The following AARS1 variants were observed in gnomAD, a reference collection of about 807,000 sequenced individuals.
AARS1 encodes the protein alanyl-tRNA synthetase 1, also known as alanine--tRNA ligase, cytoplasmic.
Under a neutral mutation model 108.9 loss-of-function variants are expected in AARS1, and 72 were observed. The observed-to-expected ratio is 0.66, with a 90% confidence interval of 0.55 to 0.80. AARS1 has a LOEUF of 0.80. AARS1 is among the 30% of genes least tolerant of loss of function. The pLI is 0.00. For missense variants in AARS1, 1,193 were observed against 1,233.2 expected (o/e 0.97, Z 0.49); for synonymous variants, 489 against 465.7 (o/e 1.05, Z -0.64).
In AARS1 at chr16:70,252,837, C is replaced by T. The variant is rs149377346; in HGVS notation, c.2791G>A (p.Gly931Ser). ...TGTGCAGACACATCCTTGCCACCAC[C>T]TTTACCGTCCATCAAGCCTGACACC... ...QQVSGLMDGK[G>S]GGKDVSAQAT... Residue 931 changes from glycine to serine, a missense_variant, in exon 21 of 21, where the codon GGT becomes AGT. Coordinates refer to ENST00000261772, the MANE Select transcript of AARS1 (RefSeq NM_001605.3). 9.0e-3 allele frequency: 14,488 copies of T among 1,614,214 alleles called. 115 individuals carry two copies. The highest frequency in any genetic ancestry group is 0.029 in the Middle Eastern group (173 of 6,062).
chr16:70,253,697 C>T lies in AARS1; in HGVS notation c.2607+17G>A. ...GCTGATGAGCCCTAGGGGAGGGGAC[C>T]CTGGCCCCTGGGTTGCCTTGGCTGA... On this transcript the variant is annotated intron_variant, in intron 19 of 20. Coordinates refer to ENST00000261772, the MANE Select transcript of AARS1 (RefSeq NM_001605.3). 6.2e-7 allele frequency: 1 copy of T among 1,612,554 alleles called. No homozygotes were observed. Among genetic ancestry groups the T allele is most frequent in the Non-Finnish European group, 8.5e-7 (1 of 1,179,740 alleles).
rs371734869 is a variant in AARS1, at chr16:70,265,122, G to C, written c.1348-20C>G. ...TTTCAGCTGTCAGCAAGAGAAACAA[G>C]CATAAGTTACCGTAAAGTAGGAGAA... is the stretch of plus-strand genomic sequence containing the variant. On this transcript the variant is annotated intron_variant, in intron 10 of 20. Coordinates refer to ENST00000261772, the MANE Select transcript of AARS1 (RefSeq NM_001605.3). The C allele has an allele frequency of 8.1e-6, 13 of 1,613,868 alleles. No individual in the cohort carries two copies. Among genetic ancestry groups the C allele is most frequent in the African/African-American group, 1.3e-5 (1 of 75,044 alleles).
At chr16:70,262,209 G>A in intron 12 of AARS1, 137 bp downstream of exon 12, 7 of 1,082,196 alleles carry the variant, frequency 6.5e-6, no homozygotes, top group South Asian at 3.8e-5. Context: ...AGCTCCCTCG[G>A]CTTCAGAAAT....
rs144861463 is a variant in AARS1 at position 70,284,209 on chromosome 16, G to C, written c.-21-1425C>G. ...TAGTCCCAGCTACTCACAAGGCTGA[G>C]GCAGGAGAATGGCACGAACCCAGGA... On this transcript the variant is annotated intron_variant, in intron 1 of 20. Transcript: ENST00000261772. Among the ~76,000 whole-genome samples the C allele has an allele frequency of 4.0e-3, 602 of 152,142 alleles. 9 individuals are homozygous for C. The highest frequency in any genetic ancestry group is 0.014 in the African/African-American group (561 of 41,504).
At chr16:70,262,213 C>T (rs1960148788) in intron 12 of AARS1, 133 bp downstream of exon 12, 4 of 1,137,394 alleles carry the variant, frequency 3.5e-6, no homozygotes, top group Non-Finnish European at 5.3e-6. Context: ...CCCTCGGCTT[C>T]AGAAATACCA....
intron 1 of AARS1, among the ~76,000 whole-genome samples, chr16:70,285,959 T>C (rs1268834804): frequency 6.6e-6 from 1 of 152,196 alleles, no homozygotes; most frequent in African/African-American, 2.4e-5. Flanking sequence ...ATTTCCCATT[T>C]TTGCTTACTA....
chr16:70,273,651 A>G (rs1387064127), intron 4 of AARS1, among the ~76,000 whole-genome samples: 3 of 151,746 alleles, frequency 2.0e-5, no homozygotes, highest in Non-Finnish European at 2.9e-5. Flanking sequence ...TCATGAGGTC[A>G]TGAGATCGAG....
chr16:70,289,204 T>C (rs147512406), intron 1 of AARS1, among the ~76,000 whole-genome samples: 5 of 151,894 alleles, frequency 3.3e-5, no homozygotes, highest in Middle Eastern at 3.4e-3. Flanking sequence ...CCGTGAGGTA[T>C]TGGTGCTCAG....
chr16:70,275,955 A>AAAAAAAAAAAAAAAAAAAAC (rs1960538855), intron 4 of AARS1: 1 of 149,354 alleles, frequency 6.7e-6, no homozygotes, highest in African/African-American at 2.5e-5. Flanking sequence ...AAAAAAAAAA[A>AAAAAAAAAAAAAAAAAAAAC]AAAAAACCAT....
In AARS1 at chr16:70,253,346, G is replaced by C. The variant is rs756031502; in HGVS notation, c.2643C>G (p.His881Gln). 2 of 1,614,082 alleles carry C rather than the reference G, an allele frequency of 1.2e-6. No individual in the cohort carries two copies. The highest frequency in any genetic ancestry group is 8.5e-7 in the Non-Finnish European group (1 of 1,180,030). Reference sequence around the variant, plus strand: ...AGAGCATGGCAGAAGTCTGAGGGGAGTGCATCTTGAAGAGCTTCAAGGCTT... The same window carrying C: ...AGAGCATGGCAGAAGTCTGAGGGGACTGCATCTTGAAGAGCTTCAAGGCTT... Reference protein sequence around the residue: ...LNEALKLFKMHSPQTSAMLFT... With the variant: ...LNEALKLFKMQSPQTSAMLFT... The change falls in exon 20 of 21, where the codon CAC (histidine) becomes CAG (glutamine). Residue 881 changes from histidine (H) to glutamine (Q), a missense_variant. By Grantham distance (24) the His-to-Gln change is conservative (BLOSUM62 0). Coordinates refer to ENST00000261772, the MANE Select transcript of AARS1 (RefSeq NM_001605.3).
chr16:70,262,967 CAAAAAAAAAAAA>C (rs57444625), intron 11 of AARS1, among the ~76,000 whole-genome samples: 35 of 20,594 alleles, frequency 1.7e-3, no homozygotes, highest in Admixed American at 2.0e-3. Flanking sequence ...GACTCGGTCT[CAAAAAAAAAAAA>C]AAAAAAAAAA....
At chr16:70,261,877 C>T (rs780895457) in intron 12 of AARS1, among the ~76,000 whole-genome samples, 1 of 151,872 alleles carries the variant, frequency 6.6e-6, no homozygotes, top group Non-Finnish European at 1.5e-5. Flanking sequence ...CCATGTTGGC[C>T]AGGCTGGTCT....
At chr16:70,275,186 G>T (rs1320323050) in intron 4 of AARS1, among the ~76,000 whole-genome samples, 1 of 152,068 alleles carries the variant, frequency 6.6e-6, no homozygotes, top group Non-Finnish European at 1.5e-5. Flanking sequence ...CCTTAACCCG[G>T]GAGGCAGAGG....
chr16:70,268,706 T>G (rs1005892832), intron 7 of AARS1, among the ~76,000 whole-genome samples: 4 of 152,146 alleles, frequency 2.6e-5, no homozygotes, highest in Admixed American at 1.3e-4. Context: ...TTCCCAGGGC[T>G]GGTCAATACC....
In AARS1 at chr16:70,253,678, G is replaced by A. The variant is rs367547023; in HGVS notation, c.2607+36C>T. The A allele has an allele frequency of 3.1e-6, 5 of 1,604,546 alleles. No individual in the cohort carries two copies. The African/African-American group carries it at 6.7e-5, about 21-fold the overall frequency. ...ACATGTCAGCCACCAGAGAGCTGAT[G>A]AGCCCTAGGGGAGGGGACCCTGGCC... On this transcript the variant is annotated intron_variant, in intron 19 of 20. Transcript: ENST00000261772.
chr16:70,282,582 T>C (rs367764841), intron 2 of AARS1, 38 bp downstream of exon 2: 696 of 1,613,102 alleles, frequency 4.3e-4, no homozygotes, highest in Non-Finnish European at 5.5e-4. Flanking sequence ...CTGCCTCTTA[T>C]GTGAACCAAA....
At chr16:70,283,621 T>C (rs751763252) in intron 1 of AARS1, among the ~76,000 whole-genome samples, 19 of 152,126 alleles carry the variant, frequency 1.2e-4, no homozygotes, top group Non-Finnish European at 2.5e-4. Context: ...ACTGCAAAGT[T>C]CCACTAGCCC....
intron 2 of AARS1, among the ~76,000 whole-genome samples, chr16:70,277,607 T>C (rs1257625806): frequency 4.6e-5 from 7 of 152,300 alleles, no homozygotes; most frequent in African/African-American, 7.2e-5. Flanking sequence ...TGATGAATGA[T>C]TGGATGTATC....
chr16:70,268,507 T>C, intron 7 of AARS1, 128 bp from the exon 8 acceptor site: 2 of 703,394 alleles, frequency 2.8e-6, no homozygotes, highest in Non-Finnish European at 4.8e-6. Flanking sequence ...TTCTTTCGCA[T>C]TCCCCAAGGT....
Sources: allele counts gnomAD v4.1 joint callset (sites outside exome capture counted in the v4.1 genomes callset), GRCh38; gene constraint gnomAD v4.1.1; transcripts MANE v1.5; gene names NCBI Gene and HGNC (gene_info 2026-07-23, HGNC 2026-07-21).